Variants in MYO6 observed in about 807,000 individuals in gnomAD.
MYO6 encodes myosin VI.
MYO6 carries 74 observed loss-of-function variants against 178.7 expected under a neutral mutation model. The ratio of observed to expected loss-of-function variants is 0.41; its 90% confidence interval spans 0.34 to 0.50. MYO6 has a LOEUF of 0.50. Among genes scored for constraint, MYO6 ranks in the 20% least tolerant of loss-of-function variants. The pLI is 0.09. For missense variants in MYO6, 1,330 were observed against 1,547.4 expected (o/e 0.86, Z 2.36); for synonymous variants, 477 against 504.6 (o/e 0.95, Z 0.73).
chr6:75,911,209 GT>G (rs546998219), intron 32 of MYO6, among the ~76,000 whole-genome samples: 32 of 151,838 alleles, frequency 2.1e-4, no homozygotes, highest in Non-Finnish European at 3.7e-4. Context: ...AATGGCATGA[GT>G]TTAAGATTTA....
intron 18 of MYO6, among the ~76,000 whole-genome samples, chr6:75,869,047 T>A (rs2149317721): frequency 6.6e-6 from 1 of 151,584 alleles, no homozygotes. Context: ...TTTTGATGCT[T>A]CTGTTCTTTT....
intron 9 of MYO6, among the ~76,000 whole-genome samples, chr6:75,843,716 C>G (rs1346768866): frequency 6.6e-6 from 1 of 151,704 alleles, no homozygotes; most frequent in East Asian, 1.9e-4. Context: ...CAACATTGTC[C>G]CTGCTCCCTT....
chr6:75,877,718 C>T (rs911514043), intron 20 of MYO6, among the ~76,000 whole-genome samples: 1 of 151,824 alleles, frequency 6.6e-6, no homozygotes, highest in East Asian at 1.9e-4. Flanking sequence ...ACTCATCAAA[C>T]TCCAAGAGTA....
intron 30 of MYO6, among the ~76,000 whole-genome samples, chr6:75,903,986 A>T (rs1713967367): frequency 6.6e-6 from 1 of 151,928 alleles, no homozygotes; most frequent in Non-Finnish European, 1.5e-5. Context: ...TTCACTTATG[A>T]AGCTTAGTTT....
At chr6:75,891,485 A>G (rs1778901634) in intron 27 of MYO6, among the ~76,000 whole-genome samples, 179 bp downstream of exon 27, 2 of 152,186 alleles carry the variant, frequency 1.3e-5, no homozygotes, top group South Asian at 4.1e-4. Flanking sequence ...AAAACAAATT[A>G]GCCGGACATG....
chr6:75,864,298 A>G (rs1192460136), intron 16 of MYO6, among the ~76,000 whole-genome samples: 1 of 152,340 alleles, frequency 6.6e-6, no homozygotes, highest in African/African-American at 2.4e-5. Flanking sequence ...AGTGGTAAAT[A>G]GGTGAATTGG....
intron 1 of MYO6, among the ~76,000 whole-genome samples, chr6:75,784,569 C>A (rs550682070): frequency 1.3e-5 from 2 of 151,456 alleles, no homozygotes; most frequent in East Asian, 4.0e-4. Flanking sequence ...GTCAGGAGAT[C>A]GAGACCATCC....
chr6:75,909,741 A>G (rs1780618091), intron 32 of MYO6, among the ~76,000 whole-genome samples: 1 of 152,154 alleles, frequency 6.6e-6, no homozygotes, highest in Admixed American at 6.6e-5. Flanking sequence ...CAGATTCAAT[A>G]TTTTGTGTGT....
intron 22 of MYO6, 67 bp downstream of exon 22, chr6:75,880,187 C>T (rs1414508421): frequency 8.9e-7 from 1 of 1,128,110 alleles, no homozygotes; most frequent in Non-Finnish European, 1.3e-6. Flanking sequence ...TAGTGAATAT[C>T]TTAAAGTATT....
At chr6:75,765,753 C>G (rs1158922273) in intron 1 of MYO6, among the ~76,000 whole-genome samples, 3 of 151,982 alleles carry the variant, frequency 2.0e-5, no homozygotes, top group Admixed American at 6.6e-5. Flanking sequence ...AAAGGCTAGG[C>G]TCAGTGATTT....
chr6:75,901,755 C>G (rs1232502047), intron 30 of MYO6, among the ~76,000 whole-genome samples: 2 of 152,252 alleles, frequency 1.3e-5, no homozygotes, highest in East Asian at 1.9e-4. Flanking sequence ...GAACTTCCAA[C>G]ACTATGTTGA....
At chr6:75,836,587 CTTT>C (rs575271701) in intron 7 of MYO6, among the ~76,000 whole-genome samples, 2 of 143,076 alleles carry the variant, frequency 1.4e-5, no homozygotes. Context: ...TTTTTCTTTT[CTTT>C]TTTTTTTTTT....
chr6:75,881,330 G>GA (rs1778004361), intron 22 of MYO6, among the ~76,000 whole-genome samples: 1 of 152,070 alleles, frequency 6.6e-6, no homozygotes, highest in African/African-American at 2.4e-5. Context: ...GGATATCTGA[G>GA]AATGTGGGTG....
At chr6:75,821,923 T>C (rs1200319812) in intron 2 of MYO6, among the ~76,000 whole-genome samples, 1 of 152,224 alleles carries the variant, frequency 6.6e-6, no homozygotes, top group Non-Finnish European at 1.5e-5. Context: ...TATTCATGGA[T>C]ACTTGTAATT....
At chr6:75,879,630 A>G (rs193074642) in intron 20 of MYO6, among the ~76,000 whole-genome samples, 190 bp from the exon 21 acceptor site, 1 of 152,280 alleles carries the variant, frequency 6.6e-6, no homozygotes, top group Admixed American at 6.5e-5. Context: ...AAATTTGACT[A>G]TAGTAGTTTT....
At chr6:75,898,251 A>G (rs756410214) in intron 29 of MYO6, 122 bp from the exon 30 acceptor site, 10 of 628,718 alleles carry the variant, frequency 1.6e-5, no homozygotes, top group South Asian at 3.0e-5. Flanking sequence ...AAAGTAAAAC[A>G]GTTATGAACA....
chr6:75,845,973 C>T (rs576765292), intron 10 of MYO6, among the ~76,000 whole-genome samples: 6 of 146,308 alleles, frequency 4.1e-5, no homozygotes, highest in Admixed American at 1.4e-4. Flanking sequence ...GGCGACAGAA[C>T]GAGACTCTGT....
At chr6:75,789,493 C>T (rs1768011033) in intron 1 of MYO6, among the ~76,000 whole-genome samples, 1 of 151,952 alleles carries the variant, frequency 6.6e-6, no homozygotes. Flanking sequence ...TAGTTAATTA[C>T]CTTTTATTGT....
intron 1 of MYO6, among the ~76,000 whole-genome samples, chr6:75,781,811 G>A (rs142767531): frequency 2.0e-5 from 3 of 150,682 alleles, no homozygotes; most frequent in African/African-American, 7.4e-5. Flanking sequence ...CCAGTTATTC[G>A]GGCGGCTGAG....
Sources: gnomAD v4.1 joint callset for allele counts (sites outside exome capture counted in the v4.1 genomes callset) on GRCh38, gnomAD v4.1.1 for gene constraint, MANE v1.5 for transcripts, NCBI Gene and HGNC (gene_info 2026-07-23, HGNC 2026-07-21) for gene names.